WNK3: variants seen among roughly 807,000 people sequenced by gnomAD.
The protein encoded by WNK3 is WNK lysine deficient protein kinase 3, also known as serine/threonine-protein kinase WNK3.
WNK3 carries 18 observed loss-of-function variants against 116.7 expected under a neutral mutation model. The ratio of observed to expected loss-of-function variants is 0.15; its 90% confidence interval spans 0.11 to 0.23. WNK3 has a LOEUF of 0.23. Among genes scored for constraint, WNK3 ranks in the 10% least tolerant of loss-of-function variants. The pLI, the probability that WNK3 is intolerant of heterozygous loss-of-function variation, is 1.00. For synonymous variants in WNK3, 404 were observed against 469.4 expected (o/e 0.86, Z 1.80); for missense variants, 993 against 1,323.8 (o/e 0.75, Z 3.88).
At position 54,252,656 on chromosome X, in the gene WNK3, C is replaced by A. The variant is rs988740304; in HGVS notation, c.2368-969G>T. Among the ~76,000 whole-genome samples, 4 of 91,936 alleles carry A rather than the reference C, an allele frequency of 4.4e-5. 1 individual carries two copies. Among genetic ancestry groups the A allele is most frequent in the Admixed American group, 2.5e-4 (2 of 7,955 alleles). 79.8% of individuals were successfully genotyped at this position (91,936 alleles called of 115,157 possible). Reference sequence around the variant, plus strand: ...CTGCCCTCCAGCCTGGGCAATAGAGCGAGACTCTGTCTCAAAAAAAAAAAA... The same window carrying A: ...CTGCCCTCCAGCCTGGGCAATAGAGAGAGACTCTGTCTCAAAAAAAAAAAA... On this transcript the variant is annotated intron_variant, in intron 13 of 23. Transcript: ENST00000354646.
intron 22 of WNK3, among the ~76,000 whole-genome samples, chrX:54,203,908 T>C (rs1301015935): frequency 9.1e-6 from 1 of 110,015 alleles, no homozygotes; most frequent in Non-Finnish European, 1.9e-5. Flanking sequence ...GATCACGCCA[T>C]TGTACTCCAG....
At chrX:54,280,216 G>A (rs1487155155) in intron 10 of WNK3, among the ~76,000 whole-genome samples, 1 of 109,818 alleles carries the variant, frequency 9.1e-6, no homozygotes, top group African/African-American at 3.3e-5. Context: ...AGAATCGCTT[G>A]AACCCGGGGA....
chrX:54,347,838 C>T (rs1297647561), intron 1 of WNK3, among the ~76,000 whole-genome samples: 1 of 108,254 alleles, frequency 9.2e-6, no homozygotes, highest in Non-Finnish European at 1.9e-5. Context: ...AGGCTCATTC[C>T]CAACTCTATC....
At chrX:54,280,189 C>T (rs1175121430) in intron 10 of WNK3, among the ~76,000 whole-genome samples, 1 of 109,707 alleles carries the variant, frequency 9.1e-6, no homozygotes, top group Admixed American at 9.8e-5. Context: ...CCCAGCTACT[C>T]GGGAGGCTGA....
At chrX:54,255,465 T>C (rs2068181721) in intron 12 of WNK3, among the ~76,000 whole-genome samples, 1 of 111,916 alleles carries the variant, frequency 8.9e-6, no homozygotes, top group African/African-American at 3.2e-5. Context: ...TGTAAAACAC[T>C]ACATGTACAT....
At chrX:54,224,351 T>TAAAAAAA (rs781959334) in intron 22 of WNK3, among the ~76,000 whole-genome samples, 1 of 81,442 alleles carries the variant, frequency 1.2e-5, no homozygotes, top group Non-Finnish European at 2.4e-5. Flanking sequence ...AAACTCCATC[T>TAAAAAAA]AAAAAAAAAA....
chrX:54,221,014 C>G (rs782345321), intron 22 of WNK3, among the ~76,000 whole-genome samples: 8 of 111,971 alleles, frequency 7.1e-5, no homozygotes, highest in Non-Finnish European at 1.5e-4. Context: ...CATACTTTCT[C>G]ATACCTTATG....
chrX:54,240,033 A>C (rs954727480), intron 17 of WNK3, among the ~76,000 whole-genome samples: 8 of 112,405 alleles, frequency 7.1e-5, no homozygotes, highest in Admixed American at 1.9e-4. Context: ...GGCTGGGCGC[A>C]GTGGCTCACG....
intron 10 of WNK3, among the ~76,000 whole-genome samples, chrX:54,279,965 C>A (rs1470378135): frequency 8.9e-6 from 1 of 112,521 alleles, no homozygotes; most frequent in African/African-American, 3.2e-5. Context: ...TCCTACTCAA[C>A]ATTATACTAG....
intron 2 of WNK3, among the ~76,000 whole-genome samples, chrX:54,314,192 C>CAAAAA (rs1384345291): frequency 2.5e-5 from 1 of 39,691 alleles, no homozygotes. Context: ...GACTCTGTCT[C>CAAAAA]AAAAAAAAAA....
In WNK3 at chrX:54,243,407, C is replaced by A. The variant is rs1377076623; in HGVS notation, c.3652-4308G>T. ...CTACAGTCCGGCCTGGGCGAAAGTG[C>A]GAGACTCCGTCTCAAAAAAAAAAAA... On this transcript the variant is annotated intron_variant, in intron 17 of 23. Coordinates refer to ENST00000354646, the Ensembl canonical transcript of WNK3. 7.4e-5 allele frequency among the ~76,000 whole-genome samples: 6 copies of A among 81,160 alleles called. No individual in the cohort carries two copies. In the Admixed American group the frequency reaches 1.0e-3, roughly 14 times the overall value. 70.5% of individuals were successfully genotyped at this position (81,160 alleles called of 115,157 possible). A position where few individuals can be genotyped will look rare whatever the true frequency, so the allele number is the denominator to read the frequency against.
chrX:54,251,708 T>C, intron 13 of WNK3, 21 bp from the exon 14 acceptor site: 1 of 1,194,336 alleles, frequency 8.4e-7, no homozygotes, highest in Non-Finnish European at 1.1e-6. Context: ...GTAAGTCTAT[T>C]CATGAGAATG....
rs375928678 is a variant in WNK3 at position 54,249,136 on chromosome X, G to C, written c.3212C>G (p.Pro1071Arg). The change falls in exon 17 of 24, where the codon CCT becomes CGT. Residue 1071 changes from proline to arginine, a missense_variant. This residue lies in a region of WNK3 where 836 missense variants were observed against 976.5 expected (regional missense o/e 0.86). Transcript: ENST00000354646. The stretch of plus-strand genomic sequence containing the variant: ...GGTCTGAGTGGGAATGACTGTCTTA[G>C]GAGAACTTGCTTCAGTGTTCACTGT... The C allele has an allele frequency of 5.0e-6, 6 of 1,210,087 alleles. No individual in the cohort carries two copies. The highest frequency in any genetic ancestry group is 6.7e-6 in the Non-Finnish European group (6 of 895,245).
At chrX:54,318,834 T>C (rs1557171568) in intron 2 of WNK3, among the ~76,000 whole-genome samples, 1 of 109,800 alleles carries the variant, frequency 9.1e-6, no homozygotes, top group Non-Finnish European at 1.9e-5. Context: ...CTGGAGTGAG[T>C]AGTGTGACCT....
upstream of WNK3, chrX:54,358,399 G>GC (rs2069628976): frequency 1.8e-5 from 2 of 110,841 alleles, no homozygotes; most frequent in South Asian, 3.8e-4. Flanking sequence ...CTACTTCCTA[G>GC]CCCCCCACTG....
chrX:54,232,095 A>G (rs868938671), intron 21 of WNK3, among the ~76,000 whole-genome samples: 12 of 96,641 alleles, frequency 1.2e-4, no homozygotes, highest in South Asian at 4.7e-4. Flanking sequence ...GTCTGTGTAT[A>G]TGTGTGTGTG....
At chrX:54,281,756 T>C (rs1283523528) in intron 10 of WNK3, among the ~76,000 whole-genome samples, 1 of 111,405 alleles carries the variant, frequency 9.0e-6, no homozygotes, top group Non-Finnish European at 1.9e-5. Context: ...ATTTCCTTCT[T>C]TTTTAGTGGC....
rs781899848 is a variant in WNK3 at position 54,251,450 on chromosome X, T to C, written c.2524A>G (p.Thr842Ala). Reference sequence around the variant, plus strand: ...ATCTGTACTTGTTCAGATGACCCTGTCTGAATTAAAAATGAATAGATAAAT... The same window carrying C: ...ATCTGTACTTGTTCAGATGACCCTGCCTGAATTAAAAATGAATAGATAAAT... The change falls in exon 15 of 24, where the codon ACA (threonine) becomes GCA (alanine). Residue 842 changes from threonine (T) to alanine (A), a missense_variant and splice_region_variant. Thr to Ala is a moderately conservative substitution (Grantham distance 58). Coordinates refer to ENST00000354646, the Ensembl canonical transcript of WNK3. 2.5e-6 allele frequency: 3 copies of C among 1,189,377 alleles called. No individual in the cohort carries two copies. In the African/African-American group the frequency reaches 5.3e-5, roughly 21 times the overall value.
intron 12 of WNK3, among the ~76,000 whole-genome samples, 157 bp downstream of exon 12, chrX:54,255,583 G>A (rs1214710779): frequency 1.8e-5 from 2 of 111,774 alleles, no homozygotes; most frequent in African/African-American, 6.5e-5. Flanking sequence ...GTTTAACAAC[G>A]AACACATAAT....
Sources: allele counts gnomAD v4.1 joint callset (sites outside exome capture counted in the v4.1 genomes callset), GRCh38; gene constraint gnomAD v4.1.1; regional missense constraint gnomAD v4.1.1; transcripts MANE v1.5; gene names NCBI Gene and HGNC (gene_info 2026-07-23, HGNC 2026-07-21).